The following DIRAS2 variants were observed in gnomAD, a reference collection of about 807,000 sequenced individuals.
DIRAS2 encodes the protein DIRAS family GTPase 2.
A neutral mutation model predicts 13.9 loss-of-function variants in DIRAS2; 5 were observed. That is an observed-to-expected ratio of 0.36 (90% CI 0.19 to 0.76). The LOEUF is 0.76. Ranked by LOEUF, DIRAS2 falls within the 30% of genes least tolerant of loss-of-function variation. The pLI is 0.53. For missense variants in DIRAS2, 191 were observed against 263.0 expected (o/e 0.73, Z 1.89); for synonymous variants, 111 against 105.4 (o/e 1.05, Z -0.33).
At chr9:90,620,125 A>T (rs1000617092) in intron 1 of DIRAS2, among the ~76,000 whole-genome samples, 1 of 152,220 alleles carries the variant, frequency 6.6e-6, no homozygotes, top group Non-Finnish European at 1.5e-5. Flanking sequence ...TAATGGCTGT[A>T]CCGTAAAACC....
At chr9:90,631,313 G>A (rs569141224) in intron 1 of DIRAS2, among the ~76,000 whole-genome samples, 28 of 152,312 alleles carry the variant, frequency 1.8e-4, no homozygotes, top group African/African-American at 6.7e-4. Flanking sequence ...AGCAGATGAG[G>A]TCAGCAAAGT....
chr9:90,634,417 G>A (rs1825353271), intron 1 of DIRAS2, among the ~76,000 whole-genome samples: 1 of 152,214 alleles, frequency 6.6e-6, no homozygotes. Flanking sequence ...TTACCAATGT[G>A]TCTAGAATCC....
intron 1 of DIRAS2, among the ~76,000 whole-genome samples, chr9:90,625,514 T>C (rs1386223486): frequency 6.6e-6 from 1 of 152,200 alleles, no homozygotes; most frequent in Non-Finnish European, 1.5e-5. Context: ...GAGGTAGGTG[T>C]CCAACTTCAT....
chr9:90,636,093 A>C (rs1395357719), intron 1 of DIRAS2, among the ~76,000 whole-genome samples: 1 of 119,774 alleles, frequency 8.3e-6, no homozygotes, highest in Non-Finnish European at 1.6e-5. Context: ...GCTGGAGTGC[A>C]GTGGTGCGAT....
Position 90,613,359 on chromosome 9 carries a change from T to C in DIRAS2, c.469A>G (p.Asn157Asp). 6.2e-7 allele frequency: 1 copy of C among 1,614,046 alleles called. No homozygotes were observed. Among genetic ancestry groups the C allele is most frequent in the South Asian group, 1.1e-5 (1 of 91,078 alleles). ...AGCTCCTGGAAAAGCTCCTTCACGT[T>C]ATGGTTGAGCTTGGCTGAGGTCTCC... ...FMETSAKLNHNVKELFQELLN... is the reference protein window; with the variant it reads ...FMETSAKLNHDVKELFQELLN... Residue 157 changes from asparagine to aspartate, a missense_variant, in exon 2 of 2, where the codon AAC becomes GAC. Asn to Asp is a conservative substitution (Grantham distance 23, BLOSUM62 1). Transcript: ENST00000375765. The surrounding 1 kb of genome is among the most constrained non-coding windows in gnomAD (Gnocchi z 5.6).
chr9:90,615,261 T>C (rs1462894085), intron 1 of DIRAS2, among the ~76,000 whole-genome samples: 2 of 152,238 alleles, frequency 1.3e-5, no homozygotes, highest in African/African-American at 4.8e-5. Context: ...GACTGAGGTA[T>C]TCCACCTTCT....
chr9:90,624,876 C>T (rs1193054171), intron 1 of DIRAS2, among the ~76,000 whole-genome samples: 4 of 152,178 alleles, frequency 2.6e-5, no homozygotes, highest in African/African-American at 7.2e-5. Flanking sequence ...CACCACCTGC[C>T]TCAGCCTCCC....
rs115118107 is a variant in DIRAS2 at position 90,632,909 on chromosome 9, C to G, written c.-37+9843G>C. Among the ~76,000 whole-genome samples, 642 of 152,346 alleles carry G rather than the reference C, an allele frequency of 4.2e-3. 4 individuals are homozygous for G. Among genetic ancestry groups the G allele is most frequent in the African/African-American group, 0.014 (602 of 41,580 alleles). On this transcript the variant is annotated intron_variant, in intron 1 of 1. Coordinates refer to ENST00000375765, the MANE Select transcript of DIRAS2 (RefSeq NM_017594.5). ...GCAACCACAGAACACTAGTGCAGAA[C>G]ATGCGGCTATTTCACTGACAGGGCA...
chr9:90,638,554 A>T (rs1225078033), intron 1 of DIRAS2, among the ~76,000 whole-genome samples: 2 of 152,222 alleles, frequency 1.3e-5, no homozygotes, highest in Non-Finnish European at 2.9e-5. Flanking sequence ...AAAGAGAAGG[A>T]AGCAAAAGGC....
intron 1 of DIRAS2, among the ~76,000 whole-genome samples, chr9:90,627,007 G>T (rs1825275887): frequency 6.6e-6 from 1 of 152,018 alleles, no homozygotes; most frequent in Admixed American, 6.5e-5. Flanking sequence ...GATCATGGGG[G>T]CAGATCCCTT....
In DIRAS2 at chr9:90,625,423, A is replaced by G. The variant is rs1825259343; in HGVS notation, c.-36-11560T>C. 1.3e-5 allele frequency among the ~76,000 whole-genome samples: 2 copies of G among 152,060 alleles called. 1 individual carries two copies. Among genetic ancestry groups the G allele is most frequent in the Non-Finnish European group, 2.9e-5 (2 of 67,910 alleles). ...TCCAAGGTCATGAAGATTTACTCCT[A>G]TGTTTCTCTTAACAGTTTTATGGTT... On this transcript the variant is annotated intron_variant, in intron 1 of 1. Coordinates refer to ENST00000375765, the MANE Select transcript of DIRAS2 (RefSeq NM_017594.5).
rs1456276902 is a variant in DIRAS2 at position 90,613,453 on chromosome 9, C to G, written c.375G>C (p.Glu125Asp). The G allele has an allele frequency of 1.2e-6, 2 of 1,613,970 alleles. No individual in the cohort carries two copies. The highest frequency in any genetic ancestry group is 1.7e-6 in the Non-Finnish European group (2 of 1,180,030). ...TGCTCTGCACCTCGCGGCTGGGGCT[C>G]TCATCACACTTGTTCCCCACCAGCA... ...PIMLVGNKCD[E>D]SPSREVQSSE... Residue 125 changes from glutamate (E) to aspartate (D), a missense_variant, in exon 2 of 2, where the codon GAG (glutamate) becomes GAC (aspartate). By Grantham distance (45) the Glu-to-Asp change is conservative (BLOSUM62 2). Coordinates refer to ENST00000375765, the MANE Select transcript of DIRAS2 (RefSeq NM_017594.5). The surrounding 1 kb of genome is among the most constrained non-coding windows in gnomAD (Gnocchi z 5.6).
intron 1 of DIRAS2, among the ~76,000 whole-genome samples, chr9:90,635,219 A>G (rs1202050444): frequency 1.3e-5 from 2 of 152,250 alleles, no homozygotes; most frequent in African/African-American, 4.8e-5. Flanking sequence ...GAAGCTCTGG[A>G]TGAACATTTC....
chr9:90,642,114 T>C (rs1382358572), intron 1 of DIRAS2, among the ~76,000 whole-genome samples: 1 of 152,258 alleles, frequency 6.6e-6, no homozygotes, highest in Non-Finnish European at 1.5e-5. Flanking sequence ...AAGCCAGCAC[T>C]GCTTTTCAGG....
At chr9:90,636,024 A>ATTT (rs1313587233) in intron 1 of DIRAS2, among the ~76,000 whole-genome samples, 103 of 89,428 alleles carry the variant, frequency 1.2e-3, no homozygotes, top group Middle Eastern at 7.8e-3. Context: ...ACAACTGAAT[A>ATTT]TTCTTTTTTT....
chr9:90,635,244 T>C (rs193185027), intron 1 of DIRAS2, among the ~76,000 whole-genome samples: 85 of 152,336 alleles, frequency 5.6e-4, no homozygotes, highest in Admixed American at 4.1e-3. Flanking sequence ...CATGCAGGTA[T>C]CTGGGGACAG....
At chr9:90,642,058 G>C (rs2297354) in intron 1 of DIRAS2, among the ~76,000 whole-genome samples, 2,485 of 152,308 alleles carry the variant, frequency 0.016, 56 homozygotes, top group South Asian at 0.08. Flanking sequence ...AGGAAAAACA[G>C]CATTTTTCAA....
At position 90,612,929 on chromosome 9, in the gene DIRAS2, C is replaced by T. The variant is rs1176855897; in HGVS notation, c.*299G>A. 2 of 398,236 alleles carry T rather than the reference C, an allele frequency of 5.0e-6. No individual in the cohort carries two copies. The highest frequency in any genetic ancestry group is 4.1e-5 in the Admixed American group (1 of 24,426). 24.7% of individuals were successfully genotyped at this position (398,236 alleles called of 1,614,324 possible). A position where few individuals can be genotyped will look rare whatever the true frequency, so the allele number is the denominator to read the frequency against. On this transcript the variant is annotated 3_prime_UTR_variant, in exon 2 of 2. Coordinates refer to ENST00000375765, the MANE Select transcript of DIRAS2 (RefSeq NM_017594.5). ...TACATGTTGCTTTGTGGGTACCAGT[C>T]CTCCCTCCCACCTTCGGGTGTTCAT... is the stretch of plus-strand genomic sequence containing the variant.
chr9:90,616,736 C>CAAAAAAAA (rs11422558), intron 1 of DIRAS2, among the ~76,000 whole-genome samples: 2 of 88,446 alleles, frequency 2.3e-5, no homozygotes, highest in Non-Finnish European at 2.1e-5. Flanking sequence ...GACTCCATCA[C>CAAAAAAAA]AAAAAAAAAA....
Sources: gnomAD v4.1 joint callset for allele counts (sites outside exome capture counted in the v4.1 genomes callset) on GRCh38, gnomAD v4.1.1 for gene constraint, Gnocchi (gnomAD v3.1) non-coding constraint, MANE v1.5 for transcripts, NCBI Gene and HGNC (gene_info 2026-07-23, HGNC 2026-07-21) for gene names.